The following BORCS5 variants were observed in gnomAD, a reference collection of about 807,000 sequenced individuals.
BORCS5 encodes the protein BLOC-1-related complex subunit 5.
BORCS5 carries 17 observed loss-of-function variants against 22.1 expected under a neutral mutation model. The observed-to-expected ratio is 0.77, with a 90% CI of 0.53 to 1.15. BORCS5 has a LOEUF of 1.15. BORCS5 is among the 50% of genes most tolerant of loss of function. The probability of loss-of-function intolerance (pLI) is 0.00; values close to 1 mark genes in which losing one functional copy is unlikely to be tolerated. For synonymous variants in BORCS5, 117 were observed against 99.8 expected (o/e 1.17, Z -1.03); for missense variants, 247 against 253.2 (o/e 0.98, Z 0.17).
rs775693645 is a variant in BORCS5, at chr12:12,424,852, C to T, written c.203-10776C>T. The stretch of plus-strand genomic sequence containing the variant: ...CTAATTTCCCCTATATATGTGGTTG[C>T]TTTTGAATATCCTGGTCTTTAATGT... On this transcript the variant is annotated intron_variant, in intron 2 of 3. Coordinates refer to ENST00000314565, the MANE Select transcript of BORCS5 (RefSeq NM_058169.6). Among the ~76,000 whole-genome samples, 12 of 152,134 alleles carry T rather than the reference C, an allele frequency of 7.9e-5. No homozygotes were observed. In the South Asian group the frequency reaches 2.3e-3, roughly 29 times the overall value.
intron 2 of BORCS5, among the ~76,000 whole-genome samples, chr12:12,371,148 A>G (rs1863520038): frequency 6.6e-6 from 1 of 152,168 alleles, no homozygotes; most frequent in African/African-American, 2.4e-5. Flanking sequence ...CCATGTCTCC[A>G]GCTCTAGAAT....
At position 12,460,147 on chromosome 12, in the gene BORCS5, C is replaced by T. The variant is rs61913536; in HGVS notation, c.361-5399C>T. Reference sequence around the variant, plus strand: ...CGTGTTGAATCTGACAATCCATGAACATGATATACTTCATTTCTTGAGATC... The same window carrying T: ...CGTGTTGAATCTGACAATCCATGAATATGATATACTTCATTTCTTGAGATC... On this transcript the variant is annotated intron_variant, in intron 3 of 3. Coordinates refer to ENST00000314565, the MANE Select transcript of BORCS5 (RefSeq NM_058169.6). Among the ~76,000 whole-genome samples, 783 of 152,344 alleles carry T rather than the reference C, an allele frequency of 5.1e-3. 6 individuals carry two copies. Among genetic ancestry groups the T allele is most frequent in the South Asian group, 0.011 (52 of 4,830 alleles).
At chr12:12,359,829 GCCTTGTGTA>G (rs1353790187) in intron 1 of BORCS5, among the ~76,000 whole-genome samples, 1 of 152,038 alleles carries the variant, frequency 6.6e-6, no homozygotes, top group Non-Finnish European at 1.5e-5. Context: ...GCAGAGATGG[GCCTTGTGTA>G]CCAATAACTT....
At chr12:12,451,967 A>G (rs1283923628) in intron 3 of BORCS5, 1 of 167,902 alleles carries the variant, frequency 6.0e-6, no homozygotes, top group African/African-American at 2.4e-5. Context: ...TTGAACTTTC[A>G]TATTGATTTT....
At chr12:12,432,230 G>C (rs1444115598) in intron 2 of BORCS5, among the ~76,000 whole-genome samples, 1 of 151,976 alleles carries the variant, frequency 6.6e-6, no homozygotes, top group Non-Finnish European at 1.5e-5. Flanking sequence ...CATTATCCTG[G>C]TCCACTGTTA....
chr12:12,462,304 G>A (rs79138195), intron 3 of BORCS5, among the ~76,000 whole-genome samples: 9,968 of 152,268 alleles, frequency 0.065, 475 homozygotes, highest in East Asian at 0.2. Flanking sequence ...TGAGGAAACC[G>A]AGGCTTACGT....
At chr12:12,357,723 T>C (rs1863177482) in intron 1 of BORCS5, among the ~76,000 whole-genome samples, 1 of 152,118 alleles carries the variant, frequency 6.6e-6, no homozygotes, top group African/African-American at 2.4e-5. Context: ...TGGGCGCCAG[T>C]GCCCTTATTT....
rs192946248 is a variant in BORCS5, at chr12:12,386,476, T to C, written c.202+25127T>C. ...CTATTTTTTTTTTTTTTATTTGTTC[T>C]AGTTCGTTCTCTTTTTTTGAGACAA... On this transcript the variant is annotated intron_variant, in intron 2 of 3. Transcript: ENST00000314565. Among the ~76,000 whole-genome samples the C allele has an allele frequency of 2.8e-3, 418 of 148,906 alleles. 7 individuals are homozygous for C. The highest frequency in any genetic ancestry group is 9.9e-3 in the African/African-American group (394 of 39,704).
chr12:12,409,093 T>A (rs1240844039), intron 2 of BORCS5, among the ~76,000 whole-genome samples: 1 of 93,034 alleles, frequency 1.1e-5, no homozygotes, highest in African/African-American at 2.8e-5. Flanking sequence ...TTTGCCATCA[T>A]TTTTTTTTGT....
intron 3 of BORCS5, among the ~76,000 whole-genome samples, chr12:12,458,272 G>T (rs1299798971): frequency 6.6e-6 from 1 of 152,152 alleles, no homozygotes; most frequent in Non-Finnish European, 1.5e-5. Flanking sequence ...ACTTCCAGGT[G>T]ATCTCCTGCA....
intron 2 of BORCS5, among the ~76,000 whole-genome samples, chr12:12,367,705 T>C (rs959808318): frequency 1.3e-5 from 2 of 152,228 alleles, no homozygotes; most frequent in Non-Finnish European, 2.9e-5. Flanking sequence ...AACACCCTCA[T>C]CTTTTCCCTT....
At chr12:12,452,096 T>A (rs897344716) in intron 3 of BORCS5, 17 of 480,008 alleles carry the variant, frequency 3.5e-5, no homozygotes, top group African/African-American at 2.8e-4. Flanking sequence ...GTAGCCTTTT[T>A]AAATTTTTAT....
chr12:12,453,784 A>G (rs114270120), intron 3 of BORCS5, among the ~76,000 whole-genome samples: 3,783 of 152,310 alleles, frequency 0.025, 170 homozygotes, highest in African/African-American at 0.084. Context: ...TAATTCCAGA[A>G]CATTTTCATC....
intron 2 of BORCS5, among the ~76,000 whole-genome samples, chr12:12,422,879 A>G (rs1942172626): frequency 6.6e-6 from 1 of 150,658 alleles, no homozygotes; most frequent in Non-Finnish European, 1.5e-5. Flanking sequence ...ATTTTTTTTA[A>G]TGTATCAGTC....
At chr12:12,434,610 G>A (rs913260013) in intron 2 of BORCS5, among the ~76,000 whole-genome samples, 1 of 152,140 alleles carries the variant, frequency 6.6e-6, no homozygotes, top group African/African-American at 2.4e-5. Context: ...TTTCTATTAA[G>A]GCAGACATTA....
At chr12:12,366,987 A>C (rs767226908) in intron 2 of BORCS5, among the ~76,000 whole-genome samples, 38 of 152,048 alleles carry the variant, frequency 2.5e-4, no homozygotes, top group Middle Eastern at 3.4e-3. Context: ...TAGATACTGA[A>C]GTGATACTAA....
intron 3 of BORCS5, among the ~76,000 whole-genome samples, chr12:12,449,906 C>G (rs1205525556): frequency 1.3e-5 from 2 of 152,204 alleles, no homozygotes; most frequent in Admixed American, 1.3e-4. Flanking sequence ...ACTGCAGATC[C>G]AGGCTCACCG....
intron 2 of BORCS5, among the ~76,000 whole-genome samples, chr12:12,364,290 C>T (rs964088517): frequency 1.5e-4 from 23 of 151,924 alleles, no homozygotes; most frequent in South Asian, 4.2e-4. Flanking sequence ...GCACAAGAAT[C>T]GCTTGAACCC....
chr12:12,407,500 A>G (rs919706562), intron 2 of BORCS5, among the ~76,000 whole-genome samples: 2 of 152,218 alleles, frequency 1.3e-5, no homozygotes, highest in South Asian at 2.1e-4. Context: ...ATAACATACA[A>G]TTTATCATTT....
Sources: gnomAD v4.1 joint callset for allele counts (sites outside exome capture counted in the v4.1 genomes callset) on GRCh38, gnomAD v4.1.1 for gene constraint, MANE v1.5 for transcripts, NCBI Gene and HGNC (gene_info 2026-07-23, HGNC 2026-07-21) for gene names.